GABRA2: variants seen among roughly 807,000 people sequenced by gnomAD.
GABRA2 encodes the protein gamma-aminobutyric acid receptor subunit alpha-2.
A neutral mutation model predicts 48.7 loss-of-function variants in GABRA2; 16 were observed. The observed-to-expected ratio is 0.33, with a 90% confidence interval of 0.22 to 0.50. The LOEUF is 0.50. Ranked by LOEUF, GABRA2 falls within the 20% of genes least tolerant of loss-of-function variation. The pLI is 0.98. For synonymous variants in GABRA2, 185 were observed against 184.5 expected (o/e 1.00, Z -0.02); for missense variants, 275 against 535.6 (o/e 0.51, Z 4.80).
At chr4:46,328,246 C>T (rs1030062559) in intron 4 of GABRA2, among the ~76,000 whole-genome samples, 6 of 151,570 alleles carry the variant, frequency 4.0e-5, no homozygotes, top group Admixed American at 1.3e-4. Flanking sequence ...GACAATTACA[C>T]TACTTAATGA....
chr4:46,259,898 G>C (rs905833681), intron 9 of GABRA2, among the ~76,000 whole-genome samples: 12 of 151,708 alleles, frequency 7.9e-5, no homozygotes, highest in East Asian at 1.9e-4. Context: ...CTACTTTAGG[G>C]CACTCTTCTA....
intron 3 of GABRA2, chr4:46,366,815 T>C (rs1454588290): frequency 6.6e-6 from 1 of 152,108 alleles, no homozygotes; most frequent in Non-Finnish European, 1.5e-5. Context: ...AAACTAACAA[T>C]AGTTTTGCAA....
chr4:46,262,397 AG>A (rs1178754216), intron 8 of GABRA2, among the ~76,000 whole-genome samples: 3 of 152,218 alleles, frequency 2.0e-5, no homozygotes, highest in Non-Finnish European at 4.4e-5. Context: ...CTTCTTCTTA[AG>A]TACTGTTGAA....
At chr4:46,373,278 T>C (rs963526632) in intron 3 of GABRA2, among the ~76,000 whole-genome samples, 7 of 152,166 alleles carry the variant, frequency 4.6e-5, no homozygotes, top group African/African-American at 1.7e-4. Flanking sequence ...AAATCCTAAA[T>C]GACCCTCCCT....
chr4:46,281,280 T>C (rs1433886483), intron 8 of GABRA2, among the ~76,000 whole-genome samples: 2 of 152,180 alleles, frequency 1.3e-5, no homozygotes, highest in South Asian at 2.1e-4. Context: ...AGAAGATCTG[T>C]ACAAAAGTTC....
At chr4:46,349,236 C>A (rs995213924) in intron 3 of GABRA2, among the ~76,000 whole-genome samples, 2 of 151,890 alleles carry the variant, frequency 1.3e-5, no homozygotes, top group African/African-American at 4.8e-5. Flanking sequence ...ATTGCAGTAG[C>A]CTGGAACTGA....
chr4:46,308,874 A>C (rs1475451911), intron 6 of GABRA2, among the ~76,000 whole-genome samples: 1 of 152,156 alleles, frequency 6.6e-6, no homozygotes, highest in Non-Finnish European at 1.5e-5. Flanking sequence ...TCAACTGAAA[A>C]AAAAAAAGTC....
intron 4 of GABRA2, among the ~76,000 whole-genome samples, chr4:46,330,588 A>AGAGAGAGAGAGAGAGC (rs1313932078): frequency 7.8e-6 from 1 of 128,310 alleles, no homozygotes; most frequent in East Asian, 2.3e-4. Context: ...ATATATATAT[A>AGAGAGAGAGAGAGAGC]TATAGAGAGA....
intron 9 of GABRA2, among the ~76,000 whole-genome samples, chr4:46,255,726 T>G (rs1053574936): frequency 1.3e-5 from 2 of 151,514 alleles, no homozygotes; most frequent in South Asian, 2.1e-4. Context: ...AGTCTTTGGA[T>G]GTATATTTAA....
chr4:46,312,075 G>A (rs982878201), intron 5 of GABRA2, among the ~76,000 whole-genome samples: 3 of 152,002 alleles, frequency 2.0e-5, no homozygotes, highest in African/African-American at 4.8e-5. Flanking sequence ...CTCCAGCCTG[G>A]GTGATAGAGC....
At chr4:46,378,266 G>T (rs1204503681) in intron 3 of GABRA2, among the ~76,000 whole-genome samples, 1 of 152,214 alleles carries the variant, frequency 6.6e-6, no homozygotes, top group Non-Finnish European at 1.5e-5. Flanking sequence ...TGCCGTGTCT[G>T]TGTAGAAAGA....
rs1713237984 is a variant in GABRA2 at position 46,243,967 on chromosome 4, GA to G, written c.*6340del. The G allele has an allele frequency of 6.6e-6, 1 of 151,468 alleles. No individual in the cohort carries two copies. Among genetic ancestry groups the G allele is most frequent in the African/African-American group, 2.4e-5 (1 of 41,374 alleles). The allele number at this position is 151,468 out of a possible 1,614,324, so 9.4% of individuals were successfully genotyped here. On this transcript the variant is annotated 3_prime_UTR_variant, in exon 10 of 10. Coordinates refer to ENST00000381620, the MANE Select transcript of GABRA2 (RefSeq NM_000807.4). ...ATCACATCTACTGGAAACATTTCATGAAAGGTGATGTTCCTTAGTTTGAAGC... is the reference window on the plus strand; with the variant it reads ...ATCACATCTACTGGAAACATTTCATGAAGGTGATGTTCCTTAGTTTGAAGC...
chr4:46,270,396 A>G (rs966002830), intron 8 of GABRA2, among the ~76,000 whole-genome samples: 1 of 152,006 alleles, frequency 6.6e-6, no homozygotes, highest in Non-Finnish European at 1.5e-5. Flanking sequence ...TTAAACAAAG[A>G]GATAGTGCAC....
At chr4:46,259,718 T>G (rs934444513) in intron 9 of GABRA2, among the ~76,000 whole-genome samples, 1 of 151,900 alleles carries the variant, frequency 6.6e-6, no homozygotes, top group South Asian at 2.1e-4. Flanking sequence ...TTTACTAATG[T>G]CAAAACAAAA....
chr4:46,271,353 G>C (rs1459117773), intron 8 of GABRA2, among the ~76,000 whole-genome samples: 1 of 152,116 alleles, frequency 6.6e-6, no homozygotes, highest in South Asian at 2.1e-4. Context: ...CTAGAAGGAA[G>C]TTCTACAGAC....
intron 4 of GABRA2, among the ~76,000 whole-genome samples, chr4:46,314,216 G>A (rs1728167576): frequency 6.6e-6 from 1 of 151,934 alleles, no homozygotes; most frequent in Admixed American, 6.6e-5. Flanking sequence ...TTTTTAACTG[G>A]GATTCCTCAA....
chr4:46,385,093 AT>A (rs1356666656), intron 3 of GABRA2, among the ~76,000 whole-genome samples: 2 of 92,406 alleles, frequency 2.2e-5, no homozygotes, highest in Non-Finnish European at 4.8e-5. Flanking sequence ...ATATATATAT[AT>A]ATATATATAT....
At chr4:46,324,044 T>G (rs569915163) in intron 4 of GABRA2, among the ~76,000 whole-genome samples, 1 of 152,022 alleles carries the variant, frequency 6.6e-6, no homozygotes, top group Non-Finnish European at 1.5e-5. Context: ...CTGTCTCGCC[T>G]CCTCTCTTCA....
chr4:46,297,369 A>G (rs950484533), intron 8 of GABRA2, among the ~76,000 whole-genome samples: 2 of 150,750 alleles, frequency 1.3e-5, no homozygotes, highest in African/African-American at 2.4e-5. Context: ...TCAGACTCCA[A>G]GTTCTTCAGC....
Sources: allele counts gnomAD v4.1 joint callset (sites outside exome capture counted in the v4.1 genomes callset), GRCh38; gene constraint gnomAD v4.1.1; transcripts MANE v1.5; gene names NCBI Gene and HGNC (gene_info 2026-07-23, HGNC 2026-07-21).